The following PTPRN2 variants were observed in gnomAD, a reference collection of about 807,000 sequenced individuals.
The protein encoded by PTPRN2 is protein tyrosine phosphatase receptor type N2.
PTPRN2 carries 74 observed loss-of-function variants against 118.8 expected under a neutral mutation model. The observed-to-expected ratio is 0.62, with a 90% CI of 0.52 to 0.76. The LOEUF is 0.76. Among genes scored for constraint, PTPRN2 ranks in the 30% least tolerant of loss-of-function variants. PTPRN2 has a pLI of 0.00. For missense variants in PTPRN2, 1,481 were observed against 1,394.4 expected (o/e 1.06, Z -0.99); for synonymous variants, 641 against 608.0 (o/e 1.05, Z -0.80).
At chr7:158,253,937 C>A (rs1168902013) in intron 3 of PTPRN2, among the ~76,000 whole-genome samples, 1 of 73,136 alleles carries the variant, frequency 1.4e-5, no homozygotes, top group Non-Finnish European at 2.5e-5. Flanking sequence ...TCAGGAGCAT[C>A]CCTGTAACTG....
chr7:158,258,898 T>A lies in PTPRN2; in HGVS notation c.278-53625A>T, dbSNP rs1039280050. Reference sequence around the variant, plus strand: ...TGTCCACGAGGCCTGCACTGCGTGGTCGTGCTGGGTAGACACACCGGCTAG... The same window carrying A: ...TGTCCACGAGGCCTGCACTGCGTGGACGTGCTGGGTAGACACACCGGCTAG... On this transcript the variant is annotated intron_variant, in intron 3 of 22. Coordinates refer to ENST00000389418, the MANE Select transcript of PTPRN2 (RefSeq NM_002847.5). Among the ~76,000 whole-genome samples, 5 of 152,174 alleles carry A rather than the reference T, an allele frequency of 3.3e-5. No homozygotes were observed. In the East Asian group the frequency reaches 5.8e-4, roughly 18 times the overall value.
chr7:158,522,000 A>G (rs996179330), intron 1 of PTPRN2, among the ~76,000 whole-genome samples: 59 of 60,868 alleles, frequency 9.7e-4, no homozygotes, highest in Non-Finnish European at 1.3e-3. Flanking sequence ...CTGGCTCGGG[A>G]GGGAGGTCCA....
At chr7:158,406,058 G>C (rs1441238794) in intron 2 of PTPRN2, among the ~76,000 whole-genome samples, 5 of 128,752 alleles carry the variant, frequency 3.9e-5, no homozygotes, top group Non-Finnish European at 8.1e-5. Flanking sequence ...ACACGTGGCC[G>C]CACACTGAGA....
Position 158,465,361 on chromosome 7 carries a change from C to A in PTPRN2, c.163+24374G>T, listed in dbSNP as rs1670364. Reference sequence around the variant, plus strand: ...TGCTTTCTTGGTTCTTCATTCATACCACACCCCTTACTCCCTTACTGTATC... The same window carrying A: ...TGCTTTCTTGGTTCTTCATTCATACAACACCCCTTACTCCCTTACTGTATC... On this transcript the variant is annotated intron_variant, in intron 2 of 22. Coordinates refer to ENST00000389418, the MANE Select transcript of PTPRN2 (RefSeq NM_002847.5). Among the ~76,000 whole-genome samples, 10 of 152,130 alleles carry A rather than the reference C, an allele frequency of 6.6e-5. No individual in the cohort carries two copies. The South Asian group carries it at 1.0e-3, about 16-fold the overall frequency.
Position 157,636,082 on chromosome 7 carries a change from T to G in PTPRN2, c.2197-14573A>C, listed in dbSNP as rs185907905. 9.2e-5 allele frequency among the ~76,000 whole-genome samples: 14 copies of G among 152,338 alleles called. No individual in the cohort carries two copies. In the East Asian group the frequency reaches 2.7e-3, roughly 29 times the overall value. ...ATTTTCATAAGAAAGATTAACAATT[T>G]CAACATTAGCTGCTAATCCCCTTTC... On this transcript the variant is annotated intron_variant, in intron 14 of 22. Transcript: ENST00000389418.
intron 4 of PTPRN2, among the ~76,000 whole-genome samples, chr7:158,202,540 A>G (rs1390460537): frequency 1.3e-5 from 2 of 152,146 alleles, no homozygotes; most frequent in Non-Finnish European, 2.9e-5. Flanking sequence ...ACCCCACCAA[A>G]GCCAGAGGCC....
intron 1 of PTPRN2, among the ~76,000 whole-genome samples, chr7:158,507,389 G>A (rs1327583115): frequency 6.0e-5 from 9 of 149,962 alleles, no homozygotes; most frequent in Admixed American, 2.0e-4. Flanking sequence ...GGACAGCCCC[G>A]CACTAGGCAG....
At chr7:157,931,575 T>C (rs1455545483) in intron 11 of PTPRN2, among the ~76,000 whole-genome samples, 1 of 152,214 alleles carries the variant, frequency 6.6e-6, no homozygotes, top group Non-Finnish European at 1.5e-5. Context: ...GAGCATTAAC[T>C]CTAAAACTGT....
rs958233814 is a variant in PTPRN2 at position 157,990,596 on chromosome 7, G to C, written c.1723+90702C>G. On this transcript the variant is annotated intron_variant, in intron 11 of 22. Transcript: ENST00000389418. The surrounding 1 kb of genome is among the most constrained non-coding windows in gnomAD (Gnocchi z 4.3). ...AGGGAGGAGACATCGGTGGATGGGG[G>C]AGCAGGGCAGGCTGGGGGTCAGGGC... Among the ~76,000 whole-genome samples the C allele has an allele frequency of 1.3e-5, 2 of 152,192 alleles. No individual in the cohort carries two copies. Among genetic ancestry groups the C allele is most frequent in the African/African-American group, 4.8e-5 (2 of 41,452 alleles).
intron 12 of PTPRN2, among the ~76,000 whole-genome samples, chr7:157,740,133 T>A (rs761908053): frequency 3.3e-5 from 5 of 152,248 alleles, no homozygotes; most frequent in Non-Finnish European, 7.3e-5. Flanking sequence ...ATCACTTTAT[T>A]TAACCGTGTT....
intron 11 of PTPRN2, among the ~76,000 whole-genome samples, chr7:158,017,468 A>T (rs1170006302): frequency 6.6e-6 from 1 of 152,208 alleles, no homozygotes; most frequent in African/African-American, 2.4e-5. Flanking sequence ...ACCTGTGTGC[A>T]GGGAGTCCAG....
At chr7:158,114,387 C>CA (rs1293288007) in intron 9 of PTPRN2, among the ~76,000 whole-genome samples, 1 of 152,208 alleles carries the variant, frequency 6.6e-6, no homozygotes, top group Non-Finnish European at 1.5e-5. Context: ...ACCCCTTGGC[C>CA]AAACTCCCAC....
chr7:158,333,406 A>G (rs1804897002), intron 2 of PTPRN2, among the ~76,000 whole-genome samples: 1 of 146,338 alleles, frequency 6.8e-6, no homozygotes, highest in African/African-American at 2.6e-5. Context: ...TGCAGACGTC[A>G]CTCACACCCA....
chr7:157,702,141 G>C (rs1285318411), intron 12 of PTPRN2, among the ~76,000 whole-genome samples: 3 of 149,458 alleles, frequency 2.0e-5, no homozygotes, highest in African/African-American at 7.4e-5. Context: ...GTGAAAGCCC[G>C]GTCGGTCCTG....
chr7:158,107,877 C>T (rs879452688), intron 10 of PTPRN2, among the ~76,000 whole-genome samples: 15 of 150,754 alleles, frequency 9.9e-5, no homozygotes, highest in Non-Finnish European at 2.2e-4. Context: ...GATCCCTGCA[C>T]ACCGTCTGCC....
At chr7:158,179,774 A>G (rs755060853) in intron 5 of PTPRN2, among the ~76,000 whole-genome samples, 2 of 152,232 alleles carry the variant, frequency 1.3e-5, no homozygotes, top group African/African-American at 2.4e-5. Context: ...GCAGGTTTCC[A>G]TAAGTCTCAC....
At chr7:158,142,097 G>A (rs1819441936) in intron 6 of PTPRN2, among the ~76,000 whole-genome samples, 1 of 152,308 alleles carries the variant, frequency 6.6e-6, no homozygotes, top group Middle Eastern at 3.4e-3. Context: ...GACATCTGGG[G>A]CCCTGCTGAC....
At chr7:157,911,401 C>G (rs963952294) in intron 11 of PTPRN2, among the ~76,000 whole-genome samples, 104 of 152,290 alleles carry the variant, frequency 6.8e-4, no homozygotes, top group African/African-American at 2.3e-3. Flanking sequence ...ACTAGATGTG[C>G]ACCTACTGAC....
intron 19 of PTPRN2, among the ~76,000 whole-genome samples, chr7:157,575,668 C>T (rs1262698667): frequency 1.3e-5 from 2 of 152,178 alleles, no homozygotes; most frequent in African/African-American, 2.4e-5. Context: ...ATCTTTGTCT[C>T]GTTAACCTCC....
Sources: gnomAD v4.1 joint callset for allele counts (sites outside exome capture counted in the v4.1 genomes callset) on GRCh38, gnomAD v4.1.1 for gene constraint, Gnocchi (gnomAD v3.1) non-coding constraint, MANE v1.5 for transcripts, NCBI Gene and HGNC (gene_info 2026-07-23, HGNC 2026-07-21) for gene names.